Variants in HHAT observed in about 807,000 individuals in gnomAD.
HHAT encodes the protein protein-cysteine N-palmitoyltransferase HHAT.
Under a neutral mutation model 70.8 loss-of-function variants are expected in HHAT, and 47 were observed. The ratio of observed to expected loss-of-function variants is 0.66; its 90% confidence interval spans 0.53 to 0.85. HHAT has a LOEUF of 0.85. Ranked by LOEUF, HHAT falls within the 40% of genes least tolerant of loss-of-function variation. HHAT has a pLI of 0.00. For synonymous variants in HHAT, 228 were observed against 247.6 expected (o/e 0.92, Z 0.74); for missense variants, 609 against 604.8 (o/e 1.01, Z -0.07).
chr1:210,433,656 G>A (rs146426672), intron 7 of HHAT, among the ~76,000 whole-genome samples: 2 of 152,016 alleles, frequency 1.3e-5, no homozygotes, highest in African/African-American at 4.8e-5. Flanking sequence ...CATGGCAACA[G>A]GGTGACATTT....
rs76935994 is a variant in HHAT at position 210,511,450 on chromosome 1, C to A, written c.1008-1703C>A. Among the ~76,000 whole-genome samples, 667 of 152,174 alleles carry A rather than the reference C, an allele frequency of 4.4e-3. 8 individuals are homozygous for A. Among genetic ancestry groups the A allele is most frequent in the African/African-American group, 0.015 (620 of 41,512 alleles). On this transcript the variant is annotated intron_variant, in intron 8 of 11. Coordinates refer to ENST00000261458, the MANE Select transcript of HHAT (RefSeq NM_018194.6). ...AAATAATCTTGTCATTTAAAGGTGT[C>A]CCACAGGGAATCTTAGTGTCAGTAA...
chr1:210,485,446 G>A (rs2094460045), intron 8 of HHAT, among the ~76,000 whole-genome samples: 1 of 152,102 alleles, frequency 6.6e-6, no homozygotes, highest in African/African-American at 2.4e-5. Flanking sequence ...TTCCTTGGGT[G>A]CTTCCAGCAG....
chr1:210,533,476 A>G (rs1286251585), intron 9 of HHAT, among the ~76,000 whole-genome samples: 1 of 152,230 alleles, frequency 6.6e-6, no homozygotes, highest in Non-Finnish European at 1.5e-5. Flanking sequence ...GCATCCCCAG[A>G]TGCTGCTCTT....
intron 9 of HHAT, among the ~76,000 whole-genome samples, chr1:210,551,116 G>T (rs2095523740): frequency 6.7e-6 from 1 of 148,974 alleles, no homozygotes; most frequent in Non-Finnish European, 1.5e-5. Context: ...TTTTATAAAA[G>T]AACTCCATGT....
chr1:210,415,157 C>T (rs4845016), intron 6 of HHAT, among the ~76,000 whole-genome samples: 125,262 of 152,184 alleles, frequency 0.82, 51,829 homozygotes, highest in South Asian at 0.9. Context: ...CATGACCATA[C>T]AATATTGAGG....
At chr1:210,524,117 G>A (rs1430069039) in intron 9 of HHAT, among the ~76,000 whole-genome samples, 1 of 152,214 alleles carries the variant, frequency 6.6e-6, no homozygotes, top group Non-Finnish European at 1.5e-5. Context: ...TGTTAATCGG[G>A]TATAAAGTTT....
At chr1:210,592,871 C>T (rs912239934) in intron 10 of HHAT, among the ~76,000 whole-genome samples, 1 of 109,796 alleles carries the variant, frequency 9.1e-6, no homozygotes, top group Non-Finnish European at 2.0e-5. Flanking sequence ...TTCAAAAAAC[C>T]AACTTTTCTT....
At chr1:210,340,719 T>C (rs1439884845) in intron 1 of HHAT, among the ~76,000 whole-genome samples, 1 of 152,236 alleles carries the variant, frequency 6.6e-6, no homozygotes, top group African/African-American at 2.4e-5. Flanking sequence ...AATTTTTTTA[T>C]CAGAGAGTGT....
Position 210,633,848 on chromosome 1 carries a change from A to G in HHAT, c.1390+10178A>G, listed in dbSNP as rs146923694. On this transcript the variant is annotated intron_variant, in intron 11 of 11. Transcript: ENST00000261458. ...CGCTTGCTGGCGCATGTGCCCACAG[A>G]GCCTCTCTGCGCCCTTTTGTTCTCC... 1.7e-3 allele frequency among the ~76,000 whole-genome samples: 260 copies of G among 152,268 alleles called. 1 individual carries two copies. The highest frequency in any genetic ancestry group is 6.8e-3 in the Middle Eastern group (2 of 294).
intron 9 of HHAT, among the ~76,000 whole-genome samples, chr1:210,566,503 A>G (rs746579478): frequency 6.6e-6 from 1 of 152,054 alleles, no homozygotes; most frequent in East Asian, 1.9e-4. Flanking sequence ...TCCTGTACCC[A>G]TATAAACCCC....
At chr1:210,609,304 TCTTA>T (rs1343141843) in intron 10 of HHAT, among the ~76,000 whole-genome samples, 2 of 152,122 alleles carry the variant, frequency 1.3e-5, no homozygotes, top group Non-Finnish European at 2.9e-5. Context: ...CTATATATCT[TCTTA>T]TTTATTTTGC....
chr1:210,329,854 T>C (rs1273155000), intron 1 of HHAT, among the ~76,000 whole-genome samples: 1 of 152,206 alleles, frequency 6.6e-6, no homozygotes, highest in Non-Finnish European at 1.5e-5. Flanking sequence ...TTCAAGCGAT[T>C]CTCCAGCCTT....
intron 6 of HHAT, among the ~76,000 whole-genome samples, chr1:210,417,850 TC>T (rs1462153053): frequency 2.0e-5 from 3 of 152,058 alleles, no homozygotes; most frequent in African/African-American, 7.2e-5. Flanking sequence ...AGTGCTGCCC[TC>T]CCCGCTTGGG....
At position 210,582,470 on chromosome 1, in the gene HHAT, T is replaced by G. The variant is rs145397031; in HGVS notation, c.1044-5428T>G. 2.2e-3 allele frequency among the ~76,000 whole-genome samples: 330 copies of G among 152,262 alleles called. 2 individuals are homozygous for G. The highest frequency in any genetic ancestry group is 0.02 in the Middle Eastern group (6 of 294). On this transcript the variant is annotated intron_variant, in intron 9 of 11. Coordinates refer to ENST00000261458, the MANE Select transcript of HHAT (RefSeq NM_018194.6). Reference sequence around the variant, plus strand: ...ATACTTTGTTGGGGTCTGGGATTAGTCTGTCATAGAGTTAGGTGATAATGT... The same window carrying G: ...ATACTTTGTTGGGGTCTGGGATTAGGCTGTCATAGAGTTAGGTGATAATGT...
At chr1:210,448,782 A>C (rs1243279226) in intron 7 of HHAT, among the ~76,000 whole-genome samples, 1 of 148,654 alleles carries the variant, frequency 6.7e-6, no homozygotes, top group Non-Finnish European at 1.5e-5. Context: ...TATAGGCTGT[A>C]GGTTGGATTG....
intron 6 of HHAT, among the ~76,000 whole-genome samples, chr1:210,414,151 T>C (rs1256788576): frequency 6.6e-6 from 1 of 152,212 alleles, no homozygotes; most frequent in Non-Finnish European, 1.5e-5. Context: ...CCCGCTTCCT[T>C]GTTCATAGAT....
chr1:210,358,137 A>C (rs1225307158), intron 2 of HHAT, among the ~76,000 whole-genome samples: 1 of 152,206 alleles, frequency 6.6e-6, no homozygotes, highest in Non-Finnish European at 1.5e-5. Flanking sequence ...ACAGCTCCTC[A>C]TTCCTTCTGT....
At chr1:210,448,072 T>C (rs1038016823) in intron 7 of HHAT, among the ~76,000 whole-genome samples, 6 of 135,950 alleles carry the variant, frequency 4.4e-5, no homozygotes, top group Non-Finnish European at 9.3e-5. Flanking sequence ...GTTTATTTGG[T>C]TAGAGGTTCT....
At chr1:210,497,672 T>C (rs572052092) in intron 8 of HHAT, among the ~76,000 whole-genome samples, 1 of 152,106 alleles carries the variant, frequency 6.6e-6, no homozygotes, top group Non-Finnish European at 1.5e-5. Flanking sequence ...CAGTGGAGGA[T>C]TGGAGGATGT....
Sources: allele counts gnomAD v4.1 joint callset (sites outside exome capture counted in the v4.1 genomes callset), GRCh38; gene constraint gnomAD v4.1.1; transcripts MANE v1.5; gene names NCBI Gene and HGNC (gene_info 2026-07-23, HGNC 2026-07-21).